Variants in KIRREL3 observed in about 807,000 individuals in gnomAD.
KIRREL3 encodes the protein kin of IRRE-like protein 3.
Under a neutral mutation model 89.7 loss-of-function variants are expected in KIRREL3, and 36 were observed. That is an observed-to-expected ratio of 0.40 (90% CI 0.31 to 0.53). The LOEUF (loss-of-function observed/expected upper bound fraction) is 0.53. Among genes scored for constraint, KIRREL3 ranks in the 20% least tolerant of loss-of-function variants. KIRREL3 has a pLI of 0.49. For missense variants in KIRREL3, 864 were observed against 1,056.6 expected (o/e 0.82, Z 2.53); for synonymous variants, 445 against 441.4 (o/e 1.01, Z -0.10).
Position 126,424,964 on chromosome 11 carries a change from G to A in KIRREL3, c.1953C>T (p.Thr651=), listed in dbSNP as rs1387082262. Residue 651 remains threonine, a synonymous_variant, in exon 17 of 17, where the codon ACC becomes ACT. Coordinates refer to ENST00000525144, the MANE Select transcript of KIRREL3 (RefSeq NM_032531.4). ...CGGGCTGGCAGCTGGAGAGGGAGAT[G>A]GTCGGGGTTGAGTGGTGCTCTTTGA... is the stretch of plus-strand genomic sequence containing the variant. ...NTFKEHHSTP[T]ISLSSCQPDL... The A allele has an allele frequency of 6.3e-7, 1 of 1,585,646 alleles. No individual in the cohort carries two copies. The highest frequency in any genetic ancestry group is 8.6e-7 in the Non-Finnish European group (1 of 1,163,772).
chr11:126,579,630 G>A lies in KIRREL3; in HGVS notation c.56-16718C>T, dbSNP rs1941436506. ...TACAAAGGAGGCAAATGCACCACCT[G>A]TGGCCCTAGAGTGGGGAGCATTGAG... is the stretch of plus-strand genomic sequence containing the variant. On this transcript the variant is annotated intron_variant, in intron 1 of 16. Coordinates refer to ENST00000525144, the MANE Select transcript of KIRREL3 (RefSeq NM_032531.4). The surrounding 1 kb of genome is among the most constrained non-coding windows in gnomAD (Gnocchi z 5.3). Among the ~76,000 whole-genome samples, 1 of 152,240 alleles carries A rather than the reference G, an allele frequency of 6.6e-6. No homozygotes were observed. Among genetic ancestry groups the A allele is most frequent in the Middle Eastern group, 3.4e-3 (1 of 294 alleles).
intron 1 of KIRREL3, among the ~76,000 whole-genome samples, chr11:126,690,678 G>T (rs751288744): frequency 6.6e-6 from 1 of 152,152 alleles, no homozygotes; most frequent in East Asian, 1.9e-4. Context: ...TGCAGGCTTC[G>T]CTGACTAATC....
chr11:126,527,163 C>G lies in KIRREL3; in HGVS notation c.134-476G>C, dbSNP rs1958789666. Among the ~76,000 whole-genome samples the G allele has an allele frequency of 1.3e-5, 2 of 152,084 alleles. No individual in the cohort carries two copies. The stretch of plus-strand genomic sequence containing the variant: ...GCGGCTTTGGTTAAACCTGAGAATT[C>G]AGGAAATCATTTTGTTGTTTCAGTG... On this transcript the variant is annotated intron_variant, in intron 2 of 16. Transcript: ENST00000525144. This position sits in a 1 kb window ranked among gnomAD's most constrained non-coding sequence, Gnocchi z 4.2.
intron 1 of KIRREL3, among the ~76,000 whole-genome samples, chr11:126,894,740 C>A (rs374300914): frequency 3.3e-5 from 5 of 151,664 alleles, no homozygotes; most frequent in African/African-American, 7.3e-5. Context: ...CAGAGAGAGA[C>A]CCTGTCTCAA....
intron 1 of KIRREL3, among the ~76,000 whole-genome samples, chr11:126,581,394 G>C (rs190189074): frequency 6.6e-6 from 1 of 152,228 alleles, no homozygotes; most frequent in South Asian, 2.1e-4. Flanking sequence ...TAGAGACAGG[G>C]TTTCACCTTG....
intron 1 of KIRREL3, among the ~76,000 whole-genome samples, chr11:126,646,721 C>T (rs866006163): frequency 3.3e-5 from 5 of 152,122 alleles, no homozygotes; most frequent in East Asian, 1.9e-4. Flanking sequence ...GTGATTCACC[C>T]GCCTTGGGCT....
chr11:126,852,806 C>G (rs764285737), intron 1 of KIRREL3, among the ~76,000 whole-genome samples: 50 of 152,206 alleles, frequency 3.3e-4, no homozygotes, highest in Non-Finnish European at 2.6e-4. Context: ...GCTCTTAACC[C>G]TGGGATCTTT....
In KIRREL3 at chr11:126,430,225, A is replaced by G. The variant is rs190978226; in HGVS notation, c.1697-937T>C. ...ATTGGGAGGCCGAGGAAGGCGGACC[A>G]CTTGAGGCCAGGAGTTCGAGACCAG... On this transcript the variant is annotated intron_variant, in intron 14 of 16. Transcript: ENST00000525144. The surrounding 1 kb of genome is among the most constrained non-coding windows in gnomAD (Gnocchi z 6.6). Among the ~76,000 whole-genome samples, 335 of 151,918 alleles carry G rather than the reference A, an allele frequency of 2.2e-3. 1 individual carries two copies. The highest frequency in any genetic ancestry group is 6.8e-3 in the African/African-American group (281 of 41,400).
At chr11:126,500,000 T>C (rs932263369) in intron 4 of KIRREL3, among the ~76,000 whole-genome samples, 9 of 152,204 alleles carry the variant, frequency 5.9e-5, no homozygotes, top group African/African-American at 1.9e-4. Flanking sequence ...ATCGTAAGCA[T>C]TTAATAAAGA....
rs1331679886 is a variant in KIRREL3 at position 126,647,484 on chromosome 11, CA to C, written c.56-84573del. On this transcript the variant is annotated intron_variant, in intron 1 of 16. Coordinates refer to ENST00000525144, the MANE Select transcript of KIRREL3 (RefSeq NM_032531.4). The surrounding 1 kb of genome is among the most constrained non-coding windows in gnomAD (Gnocchi z 4.9). The stretch of plus-strand genomic sequence containing the variant: ...AAGTTATTTGAATACTTCATTTATG[CA>C]TACGTTTACTCCTTTCATTCAGCAA... 1.3e-5 allele frequency among the ~76,000 whole-genome samples: 2 copies of C among 152,234 alleles called. No individual in the cohort carries two copies. The highest frequency in any genetic ancestry group is 2.4e-5 in the African/African-American group (1 of 41,468).
intron 6 of KIRREL3, among the ~76,000 whole-genome samples, chr11:126,456,699 G>T (rs1956356646): frequency 6.6e-6 from 1 of 152,308 alleles, no homozygotes; most frequent in Middle Eastern, 3.4e-3. Flanking sequence ...GAGCCAGGAA[G>T]CCTCAGGCTT....
chr11:126,554,292 C>A (rs1433995672), intron 2 of KIRREL3, among the ~76,000 whole-genome samples: 3 of 152,094 alleles, frequency 2.0e-5, no homozygotes, highest in African/African-American at 7.2e-5. Flanking sequence ...AGTAAATGCC[C>A]TCAAGTGGAA....
chr11:126,800,027 T>C (rs1950982194), intron 1 of KIRREL3, among the ~76,000 whole-genome samples: 1 of 152,180 alleles, frequency 6.6e-6, no homozygotes, highest in Non-Finnish European at 1.5e-5. Flanking sequence ...GCTCTGAGCA[T>C]TGGCATTATT....
rs113845647 is a variant in KIRREL3 at position 126,447,381 on chromosome 11, A to G, written c.998-495T>C. On this transcript the variant is annotated intron_variant, in intron 8 of 16. Transcript: ENST00000525144. ...CCAGCCTCAGCCTTCATGACCTGGA[A>G]TCGAGTGACTGGTGCACCTCTGGGG... Among the ~76,000 whole-genome samples the G allele has an allele frequency of 7.1e-3, 1,076 of 152,276 alleles. 13 individuals carry two copies. Among genetic ancestry groups the G allele is most frequent in the African/African-American group, 0.024 (999 of 41,556 alleles).
chr11:126,941,244 T>A (rs1322877209), intron 1 of KIRREL3, among the ~76,000 whole-genome samples: 1 of 151,436 alleles, frequency 6.6e-6, no homozygotes, highest in Non-Finnish European at 1.5e-5. Flanking sequence ...GGCCCAGCAG[T>A]TATAGTAAAA....
rs1289572728 is a variant in KIRREL3 at position 126,569,218 on chromosome 11, A to G, written c.56-6306T>C. Among the ~76,000 whole-genome samples the G allele has an allele frequency of 6.6e-6, 1 of 152,206 alleles. No individual in the cohort carries two copies. The highest frequency in any genetic ancestry group is 1.9e-4 in the East Asian group (1 of 5,194). On this transcript the variant is annotated intron_variant, in intron 1 of 16. Coordinates refer to ENST00000525144, the MANE Select transcript of KIRREL3 (RefSeq NM_032531.4). The surrounding 1 kb of genome is among the most constrained non-coding windows in gnomAD (Gnocchi z 6.5). ...AAGGAAGCCTATTAAGTCACAGGTG[A>G]TAATGGTACATTTCTGGACTTACTG... is the stretch of plus-strand genomic sequence containing the variant.
At chr11:126,480,119 G>A (rs924619105) in intron 4 of KIRREL3, among the ~76,000 whole-genome samples, 1 of 152,194 alleles carries the variant, frequency 6.6e-6, no homozygotes, top group Non-Finnish European at 1.5e-5. Context: ...GGCACAGGGT[G>A]GCATATGCAT....
At chr11:126,852,407 A>G (rs2134570617) in intron 1 of KIRREL3, among the ~76,000 whole-genome samples, 1 of 152,278 alleles carries the variant, frequency 6.6e-6, no homozygotes, top group South Asian at 2.1e-4. Flanking sequence ...CCTAGGACCA[A>G]TCATCTAATC....
intron 1 of KIRREL3, among the ~76,000 whole-genome samples, chr11:126,722,937 T>G (rs1216345713): frequency 1.3e-5 from 2 of 152,254 alleles, no homozygotes; most frequent in African/African-American, 4.8e-5. Context: ...GCACGAAATC[T>G]CATTTCTCTT....
Sources: allele counts gnomAD v4.1 joint callset (sites outside exome capture counted in the v4.1 genomes callset), GRCh38; gene constraint gnomAD v4.1.1; non-coding constraint Gnocchi (gnomAD v3.1); transcripts MANE v1.5; gene names NCBI Gene and HGNC (gene_info 2026-07-23, HGNC 2026-07-21).